Variants in TUB observed in about 807,000 individuals in gnomAD.
TUB encodes the protein tubby protein homolog.
TUB carries 33 observed loss-of-function variants against 59.7 expected under a neutral mutation model. That is an observed-to-expected ratio of 0.55 (90% CI 0.42 to 0.74). The LOEUF (loss-of-function observed/expected upper bound fraction) is 0.74. TUB is among the 30% of genes least tolerant of loss of function. The pLI, the probability that TUB is intolerant of heterozygous loss-of-function variation, is 0.00. For missense variants in TUB, 659 were observed against 672.0 expected, an observed-to-expected ratio of 0.98 and a Z score of 0.21; for synonymous variants, 293 against 256.4, an observed-to-expected ratio of 1.14 and a Z score of -1.36.
At chr11:8,076,738 G>A (rs753390167), upstream of TUB, 2 of 152,124 alleles carry the variant, frequency 1.3e-5, no homozygotes, top group African/African-American at 4.8e-5. Flanking sequence ...ATAACCATTC[G>A]ATCTGGTTTT....
Position 8,101,674 on chromosome 11 carries a change from G to T in TUB, c.*55G>T. On this transcript the variant is annotated 3_prime_UTR_variant, in exon 12 of 12. Transcript: ENST00000299506. ...AGCCTGGAGCGGAGCTTGCCTGCCTGCCTGTGGAGACAGCCCTGCCTATCC... is the reference window on the plus strand; with the variant it reads ...AGCCTGGAGCGGAGCTTGCCTGCCTTCCTGTGGAGACAGCCCTGCCTATCC... The T allele has an allele frequency of 6.3e-7, 1 of 1,597,330 alleles. No homozygotes were observed. Among genetic ancestry groups the T allele is most frequent in the Non-Finnish European group, 8.5e-7 (1 of 1,172,264 alleles).
chr11:8,024,062 G>A (rs1942468214), intron 1 of TUB, among the ~76,000 whole-genome samples: 1 of 152,182 alleles, frequency 6.6e-6, no homozygotes, highest in Non-Finnish European at 1.5e-5. Flanking sequence ...TCTGACCTCA[G>A]GCATGTTCCT....
chr11:8,031,562 G>A (rs1430343584), intron 1 of TUB, among the ~76,000 whole-genome samples: 4 of 152,220 alleles, frequency 2.6e-5, no homozygotes, highest in Admixed American at 6.5e-5. Flanking sequence ...AGTTGAGAGC[G>A]GGGACCTCGG....
intron 1 of TUB, among the ~76,000 whole-genome samples, chr11:8,085,765 G>A (rs1351673538): frequency 1.3e-5 from 2 of 152,206 alleles, no homozygotes; most frequent in Admixed American, 1.3e-4. Context: ...TGGAGTAGCT[G>A]GAGCATGTAA....
At chr11:8,067,056 G>A (rs576979126) in intron 2 of TUB, among the ~76,000 whole-genome samples, 16 of 152,200 alleles carry the variant, frequency 1.1e-4, no homozygotes, top group African/African-American at 3.1e-4. Flanking sequence ...CTCCACTCCC[G>A]GCTCCTGATC....
chr11:8,100,165 C>T lies in TUB; in HGVS notation c.1117-338C>T, dbSNP rs116283839. The stretch of plus-strand genomic sequence containing the variant: ...GCTAGTGGTGAAAAGTGGTGGAAGT[C>T]TGGGTATAATTGGAAGGTGGAGCTG... On this transcript the variant is annotated intron_variant, in intron 9 of 11. Transcript: ENST00000299506. Among the ~76,000 whole-genome samples, 990 of 152,216 alleles carry T rather than the reference C, an allele frequency of 6.5e-3. 16 individuals are homozygous for T. The highest frequency in any genetic ancestry group is 0.022 in the African/African-American group (928 of 41,520).
chr11:8,048,076 G>T (rs2133747780), intron 2 of TUB, among the ~76,000 whole-genome samples: 1 of 152,090 alleles, frequency 6.6e-6, no homozygotes, highest in Non-Finnish European at 1.5e-5. Flanking sequence ...TGAGCACTCA[G>T]TAAATAATTT....
At chr11:8,020,704 C>A (rs145565349) in intron 1 of TUB, among the ~76,000 whole-genome samples, 4 of 152,318 alleles carry the variant, frequency 2.6e-5, no homozygotes, top group African/African-American at 7.2e-5. Context: ...CAGCAAATCT[C>A]CTGTCCACCT....
rs565596683 is a variant in TUB at position 8,096,555 on chromosome 11, A to AGG, written c.566-130_566-129insGG. On this transcript the variant is annotated intron_variant, in intron 5 of 11. Coordinates refer to ENST00000299506, the MANE Select transcript of TUB (RefSeq NM_177972.3). The stretch of plus-strand genomic sequence containing the variant: ...GGAGTCTATATGTGTAGATATGGCT[A>AGG]AGAGTGTGTGCATAAGTTTGTGGGG... 332 of 700,014 alleles carry AGG rather than the reference A, an allele frequency of 4.7e-4. No individual in the cohort carries two copies. In the African/African-American group the frequency reaches 5.0e-3, roughly 11 times the overall value. 43.4% of individuals were successfully genotyped at this position (700,014 alleles called of 1,614,324 possible).
In TUB at chr11:8,049,578, T is replaced by TATAG. The variant is rs1554923442; in HGVS notation, c.203+9910_203+9913dup. ...ATTATGTGGTATATATATATATATA[T>TATAG]ATAGATAGATAGATAGATAGATAGA... On this transcript the variant is annotated intron_variant, in intron 2 of 12. Coordinates refer to the TUB transcript ENST00000305253. 6.3e-3 allele frequency among the ~76,000 whole-genome samples: 543 copies of TATAG among 85,918 alleles called. 8 individuals carry two copies. Among genetic ancestry groups the TATAG allele is most frequent in the African/African-American group, 0.01 (298 of 28,558 alleles). The allele number at this position is 85,918 out of a possible 152,430, so 56.4% of individuals were successfully genotyped here.
intron 3 of TUB, among the ~76,000 whole-genome samples, chr11:8,090,737 CCTGCAGCT>C (rs1234842129): frequency 3.3e-5 from 5 of 152,208 alleles, no homozygotes; most frequent in African/African-American, 7.2e-5. Context: ...TGACCTGGAG[CCTGCAGCT>C]CCCATCCTTA....
chr11:8,077,815 G>A (rs1943474511), upstream of TUB: 2 of 152,178 alleles, frequency 1.3e-5, no homozygotes, highest in Non-Finnish European at 2.9e-5. Context: ...CAGACCGAAA[G>A]CTCCCTGAGA....
At chr11:8,094,338 G>A in intron 4 of TUB, 149 bp downstream of exon 4, 2 of 1,075,686 alleles carry the variant, frequency 1.9e-6, no homozygotes, top group South Asian at 1.7e-5. Flanking sequence ...CCCCTCAGGT[G>A]GCTCACAGGC....
chr11:8,079,863 A>G (rs1353128621), upstream of TUB, among the ~76,000 whole-genome samples: 1 of 152,150 alleles, frequency 6.6e-6, no homozygotes, highest in Non-Finnish European at 1.5e-5. Flanking sequence ...TCTGTGACTC[A>G]GTTCCTCTGC....
chr11:8,033,849 TG>T (rs367622973), upstream of TUB, among the ~76,000 whole-genome samples: 2 of 152,222 alleles, frequency 1.3e-5, no homozygotes, highest in African/African-American at 4.8e-5. Context: ...GGAGAGGGAT[TG>T]GTTCACAGAG....
At chr11:8,101,406 T>C (rs1944296022) in intron 11 of TUB, 80 bp from the exon 12 acceptor site, 9 of 1,559,032 alleles carry the variant, frequency 5.8e-6, no homozygotes, top group Middle Eastern at 1.7e-4. Context: ...CTCATGTGGT[T>C]TGGGTGTCTG....
intron 2 of TUB, among the ~76,000 whole-genome samples, chr11:8,066,408 C>G (rs1468929438): frequency 1.3e-5 from 2 of 152,190 alleles, no homozygotes. Flanking sequence ...GGAGCTGGCT[C>G]TGGGTTCAGC....
At chr11:8,081,947 A>C (rs1328444933) in intron 1 of TUB, among the ~76,000 whole-genome samples, 1 of 152,184 alleles carries the variant, frequency 6.6e-6, no homozygotes, top group Non-Finnish European at 1.5e-5. Context: ...CCTTGGGCCA[A>C]AGACGCTCCT....
At chr11:8,027,439 T>C (rs186814326) in intron 1 of TUB, among the ~76,000 whole-genome samples, 20 of 152,336 alleles carry the variant, frequency 1.3e-4, no homozygotes, top group African/African-American at 4.8e-4. Flanking sequence ...GTAGCATATA[T>C]TTTTTGGCTG....
Sources: allele counts gnomAD v4.1 joint callset (sites outside exome capture counted in the v4.1 genomes callset), GRCh38; gene constraint gnomAD v4.1.1; transcripts MANE v1.5; gene names NCBI Gene and HGNC (gene_info 2026-07-23, HGNC 2026-07-21).